CPNE8: variants seen among roughly 807,000 people sequenced by gnomAD.
The protein encoded by CPNE8 is copine-8.
In CPNE8, 45 loss-of-function variants were observed where a neutral mutation model predicts 81.5. The observed-to-expected ratio is 0.55, with a 90% CI of 0.44 to 0.71. The LOEUF is 0.71. Ranked by LOEUF, CPNE8 falls within the 30% of genes least tolerant of loss-of-function variation. CPNE8 has a pLI of 0.00. For missense variants in CPNE8, 594 were observed against 672.1 expected, an observed-to-expected ratio of 0.88 and a Z score of 1.28; for synonymous variants, 252 against 226.3, an observed-to-expected ratio of 1.11 and a Z score of -1.02.
chr12:38,722,239 T>A (rs569552607), intron 13 of CPNE8, among the ~76,000 whole-genome samples: 1 of 152,332 alleles, frequency 6.6e-6, no homozygotes, highest in African/African-American at 2.4e-5. Context: ...AAAATAAAAA[T>A]AGGCAAAGAC....
At chr12:38,792,619 C>T (rs1942352974) in intron 6 of CPNE8, among the ~76,000 whole-genome samples, 1 of 151,530 alleles carries the variant, frequency 6.6e-6, no homozygotes, top group Non-Finnish European at 1.5e-5. Context: ...AGCATAAGTC[C>T]CAATGGTTCA....
At chr12:38,890,936 TGAGA>T (rs1301118445) in intron 1 of CPNE8, among the ~76,000 whole-genome samples, 1 of 150,322 alleles carries the variant, frequency 6.7e-6, no homozygotes, top group African/African-American at 2.4e-5. Context: ...ATATTTTTTT[TGAGA>T]GAGAGAGAAA....
chr12:38,732,242 A>G (rs1486021962), intron 10 of CPNE8, among the ~76,000 whole-genome samples: 2 of 151,896 alleles, frequency 1.3e-5, no homozygotes, highest in Non-Finnish European at 2.9e-5. Flanking sequence ...CCGCCACACA[A>G]TGCTTATCAA....
chr12:38,755,793 C>A (rs372753543), intron 10 of CPNE8, among the ~76,000 whole-genome samples: 1,885 of 152,192 alleles, frequency 0.012, 28 homozygotes, highest in South Asian at 0.042. Context: ...GTAATCCCAG[C>A]ACTTTGGGAG....
At position 38,902,369 on chromosome 12, in the gene CPNE8, AAAGAAAG is replaced by A. The variant is rs761324869; in HGVS notation, c.98+3061_98+3067del. Among the ~76,000 whole-genome samples, 186 of 70,010 alleles carry A rather than the reference AAAGAAAG, an allele frequency of 2.7e-3. 4 individuals are homozygous for A. The highest frequency in any genetic ancestry group is 0.012 in the African/African-American group (151 of 12,934). The allele number at this position is 70,010 out of a possible 152,430, so 45.9% of individuals were successfully genotyped here. ...GAAAGAAAGAAAGAAAGAAAGAAAGAAAGAAAGAAAGAAAAGAAAGAAAGAGAAAGAA... is the reference window on the plus strand; with the variant it reads ...GAAAGAAAGAAAGAAAGAAAGAAAGAAAAGAAAAGAAAGAAAGAGAAAGAA... On this transcript the variant is annotated intron_variant, in intron 1 of 19. Transcript: ENST00000331366.
intron 7 of CPNE8, among the ~76,000 whole-genome samples, chr12:38,771,156 CTT>C (rs1255833921): frequency 1.3e-5 from 2 of 152,022 alleles, no homozygotes; most frequent in African/African-American, 4.8e-5. Flanking sequence ...TTTCAAGCTA[CTT>C]TTAAAATACT....
chr12:38,845,363 A>G (rs548737872), intron 4 of CPNE8, among the ~76,000 whole-genome samples: 1 of 152,248 alleles, frequency 6.6e-6, no homozygotes, highest in Admixed American at 6.5e-5. Context: ...ATTATTGTAT[A>G]TTATTCCTAA....
At chr12:38,782,988 C>T (rs1242056873) in intron 6 of CPNE8, among the ~76,000 whole-genome samples, 1 of 152,056 alleles carries the variant, frequency 6.6e-6, no homozygotes, top group Non-Finnish European at 1.5e-5. Flanking sequence ...ACTACTCTCG[C>T]AACTTTTACA....
At chr12:38,904,126 G>C (rs1361354550) in intron 1 of CPNE8, among the ~76,000 whole-genome samples, 1 of 152,154 alleles carries the variant, frequency 6.6e-6, no homozygotes, top group Non-Finnish European at 1.5e-5. Flanking sequence ...TTTACATCAA[G>C]ATCACCCAAA....
chr12:38,748,214 T>C (rs1301483829), intron 10 of CPNE8, among the ~76,000 whole-genome samples: 2 of 151,852 alleles, frequency 1.3e-5, no homozygotes, highest in Admixed American at 6.6e-5. Flanking sequence ...TTTTGCCATA[T>C]TGGCCAGGCT....
At chr12:38,853,075 A>T (rs1943672084) in intron 3 of CPNE8, among the ~76,000 whole-genome samples, 2 of 152,208 alleles carry the variant, frequency 1.3e-5, no homozygotes, top group African/African-American at 4.8e-5. Flanking sequence ...ATCTACAGAT[A>T]TGTTATGACT....
chr12:38,733,680 C>T (rs184447426), intron 10 of CPNE8, among the ~76,000 whole-genome samples: 2 of 151,848 alleles, frequency 1.3e-5, no homozygotes, highest in Non-Finnish European at 2.9e-5. Context: ...TTTCCCCTAC[C>T]TTTTATTACA....
chr12:38,704,778 C>T (rs1256944080), intron 13 of CPNE8, among the ~76,000 whole-genome samples: 1 of 139,306 alleles, frequency 7.2e-6, no homozygotes, highest in Non-Finnish European at 1.5e-5. Flanking sequence ...AAAGAAAAAT[C>T]TTGCTGAATT....
upstream of CPNE8, chr12:38,906,579 T>C: frequency 3.0e-6 from 3 of 985,536 alleles, no homozygotes; most frequent in South Asian, 1.4e-4. Context: ...CCGCAAGAAC[T>C]GAGACCTGAC....
At chr12:38,725,178 C>T (rs193274494) in intron 11 of CPNE8, among the ~76,000 whole-genome samples, 137 of 152,216 alleles carry the variant, frequency 9.0e-4, no homozygotes, top group African/African-American at 3.2e-3. Flanking sequence ...TGATAGAGAC[C>T]TTTAACATCT....
chr12:38,882,786 T>A (rs896954230), intron 1 of CPNE8, among the ~76,000 whole-genome samples: 2 of 152,198 alleles, frequency 1.3e-5, no homozygotes, highest in African/African-American at 4.8e-5. Flanking sequence ...TCTATCCATA[T>A]TATTTCTTAC....
At chr12:38,821,312 C>T (rs1421220401) in intron 6 of CPNE8, among the ~76,000 whole-genome samples, 1 of 152,116 alleles carries the variant, frequency 6.6e-6, no homozygotes, top group Non-Finnish European at 1.5e-5. Context: ...CTAACAGTTT[C>T]TGATCCATAA....
chr12:38,678,136 T>C (rs1939333853), intron 16 of CPNE8, among the ~76,000 whole-genome samples: 1 of 152,020 alleles, frequency 6.6e-6, no homozygotes, highest in African/African-American at 2.4e-5. Context: ...GTTTAAATGG[T>C]GAATTTTATT....
intron 3 of CPNE8, among the ~76,000 whole-genome samples, chr12:38,866,646 T>A (rs543146582): frequency 6.6e-5 from 10 of 152,280 alleles, no homozygotes; most frequent in Non-Finnish European, 1.0e-4. Context: ...AAGCTTAGAA[T>A]AAAGGGCAGC....
Sources: allele counts gnomAD v4.1 joint callset (sites outside exome capture counted in the v4.1 genomes callset), GRCh38; gene constraint gnomAD v4.1.1; transcripts MANE v1.5; gene names NCBI Gene and HGNC (gene_info 2026-07-23, HGNC 2026-07-21).